Variants in TSPEAR observed in about 807,000 individuals in gnomAD.
The protein encoded by TSPEAR is thrombospondin-type laminin G domain and EAR repeat-containing protein.
Under a neutral mutation model 71.6 loss-of-function variants are expected in TSPEAR, and 69 were observed. The ratio of observed to expected loss-of-function variants is 0.96; its 90% CI spans 0.79 to 1.18. TSPEAR has a LOEUF of 1.18. Ranked by LOEUF, TSPEAR falls within the 50% of genes most tolerant of loss-of-function variation. The probability of loss-of-function intolerance (pLI) is 0.00; values close to 1 mark genes in which losing one functional copy is unlikely to be tolerated. For missense variants in TSPEAR, 971 were observed against 894.9 expected, an observed-to-expected ratio of 1.09 and a Z score of -1.09; for synonymous variants, 402 against 387.2, an observed-to-expected ratio of 1.04 and a Z score of -0.45.
intron 2 of TSPEAR, among the ~76,000 whole-genome samples, chr21:44,559,982 G>C (rs2053609428): frequency 6.6e-6 from 1 of 152,168 alleles, no homozygotes. Context: ...ACCTGGCAAA[G>C]TCAGACTACA....
intron 1 of TSPEAR, chr21:44,697,059 ACCCAGACG>A: frequency 8.0e-7 from 1 of 1,247,900 alleles, no homozygotes; most frequent in East Asian, 2.6e-5. Flanking sequence ...CCCATCCAGC[ACCCAGACG>A]CTCACTCACT....
intron 8 of TSPEAR, among the ~76,000 whole-genome samples, chr21:44,525,366 TAGTC>T (rs782789391): frequency 2.1e-4 from 32 of 152,196 alleles, no homozygotes; most frequent in South Asian, 4.2e-4. Flanking sequence ...GTTAATCAGC[TAGTC>T]AGTCAGTCAG....
chr21:44,702,263 C>G (rs1038115111), intron 1 of TSPEAR: 3 of 1,606,426 alleles, frequency 1.9e-6, no homozygotes, highest in Non-Finnish European at 2.5e-6. Flanking sequence ...GACGACTGCC[C>G]GGAGAGCTGC....
chr21:44,543,796 T>G (rs1410720533), intron 2 of TSPEAR, among the ~76,000 whole-genome samples: 1 of 152,214 alleles, frequency 6.6e-6, no homozygotes, highest in African/African-American at 2.4e-5. Flanking sequence ...AGCATTGCCC[T>G]GTGGAAACCT....
At chr21:44,637,490 AGCTGCTGCGAGCCCT>A (rs1450047895) in intron 1 of TSPEAR, 2 of 1,613,310 alleles carry the variant, frequency 1.2e-6, no homozygotes, top group Middle Eastern at 1.7e-4. Flanking sequence ...CTGCCCAGAG[AGCTGCTGCGAGCCCT>A]GCTGCTGTGC....
intron 8 of TSPEAR, 59 bp from the exon 9 acceptor site, chr21:44,522,171 C>T (rs1189301917): frequency 3.6e-5 from 56 of 1,540,316 alleles, no homozygotes; most frequent in Non-Finnish European, 4.4e-5. Flanking sequence ...CCATGGCAGC[C>T]CCGACGGAGG....
intron 9 of TSPEAR, among the ~76,000 whole-genome samples, chr21:44,511,437 C>T (rs2052375867): frequency 1.3e-5 from 2 of 152,242 alleles, no homozygotes; most frequent in African/African-American, 2.4e-5. Context: ...GATACACATG[C>T]AGATACACAG....
At position 44,609,490 on chromosome 21, in the gene TSPEAR, T is replaced by C. The variant is rs587722992; in HGVS notation, c.83-41485A>G. 1.8e-4 allele frequency among the ~76,000 whole-genome samples: 27 copies of C among 152,090 alleles called. No homozygotes were observed. In the South Asian group the frequency reaches 4.4e-3, roughly 25 times the overall value. On this transcript the variant is annotated intron_variant, in intron 1 of 11. Coordinates refer to ENST00000323084, the MANE Select transcript of TSPEAR (RefSeq NM_144991.3). ...GGATCCAACATCAGAGAGAGATGAA[T>C]GAAAATCCAAAGACAAGAGTGAAGG...
At chr21:44,519,253 G>C (rs1410681397) in intron 9 of TSPEAR, 4 of 152,674 alleles carry the variant, frequency 2.6e-5, no homozygotes, top group African/African-American at 9.7e-5. Context: ...GGATGGTCTT[G>C]ATCTCCTGAC....
intron 1 of TSPEAR, chr21:44,702,935 A>T (rs147371110): frequency 3.3e-5 from 18 of 543,736 alleles, no homozygotes; most frequent in African/African-American, 3.0e-4. Flanking sequence ...CTCATACCCT[A>T]CAACCACGGC....
intron 1 of TSPEAR, among the ~76,000 whole-genome samples, chr21:44,624,078 C>CT (rs1356406164): frequency 6.6e-6 from 1 of 152,166 alleles, no homozygotes; most frequent in African/African-American, 2.4e-5. Flanking sequence ...ATGCTTACTA[C>CT]TCCACTTTCT....
At chr21:44,578,714 G>T (rs992865351) in intron 1 of TSPEAR, among the ~76,000 whole-genome samples, 11 of 152,120 alleles carry the variant, frequency 7.2e-5, no homozygotes, top group Non-Finnish European at 1.5e-4. Flanking sequence ...GGGGACAGTT[G>T]CCTACTTACT....
intron 2 of TSPEAR, chr21:44,550,467 G>T (rs1322381036): frequency 6.8e-6 from 5 of 734,440 alleles, no homozygotes; most frequent in African/African-American, 5.4e-5. Flanking sequence ...CCAGCGGAGG[G>T]TTGTGGTCTG....
chr21:44,505,178 A>C (rs1270911029), intron 10 of TSPEAR, among the ~76,000 whole-genome samples: 1 of 152,078 alleles, frequency 6.6e-6, no homozygotes, highest in East Asian at 1.9e-4. Context: ...TCTCGGATTC[A>C]AGCGATTCTC....
At chr21:44,602,177 A>C in intron 1 of TSPEAR, 1 of 212,934 alleles carries the variant, frequency 4.7e-6, no homozygotes, top group Non-Finnish European at 1.0e-5. Flanking sequence ...AAAAAGTACA[A>C]CTGGAATTCA....
intron 1 of TSPEAR, chr21:44,697,323 G>C: frequency 6.2e-7 from 1 of 1,613,362 alleles, no homozygotes; most frequent in Non-Finnish European, 8.5e-7. Context: ...GAGCCCCCCT[G>C]CTGCGCCCCG....
intron 1 of TSPEAR, chr21:44,697,793 C>G (rs1987444413): frequency 6.2e-7 from 1 of 1,613,692 alleles, no homozygotes; most frequent in African/African-American, 1.3e-5. Flanking sequence ...CGTGTCCCTC[C>G]TCTGCCGCCC....
intron 2 of TSPEAR, among the ~76,000 whole-genome samples, chr21:44,554,984 T>TA (rs139957999): frequency 0.014 from 2,085 of 152,266 alleles, 49 homozygotes; most frequent in African/African-American, 0.047. Flanking sequence ...CTTTAATAGT[T>TA]AAAAAATAAG....
intron 1 of TSPEAR, chr21:44,601,062 C>T (rs782027752): frequency 3.7e-6 from 6 of 1,611,780 alleles, no homozygotes; most frequent in Non-Finnish European, 5.1e-6. Flanking sequence ...CTTGCTGCAC[C>T]TCCTCCCCCT....
Sources: gnomAD v4.1 joint callset for allele counts (sites outside exome capture counted in the v4.1 genomes callset) on GRCh38, gnomAD v4.1.1 for gene constraint, MANE v1.5 for transcripts, NCBI Gene and HGNC (gene_info 2026-07-23, HGNC 2026-07-21) for gene names.